The following TTC16 variants were observed in gnomAD, a reference collection of about 807,000 sequenced individuals.
TTC16 encodes the protein tetratricopeptide repeat protein 16.
A neutral mutation model predicts 80.4 loss-of-function variants in TTC16; 66 were observed. The observed-to-expected ratio is 0.82, with a 90% CI of 0.67 to 1.01. TTC16 has a LOEUF of 1.01. TTC16 is among the 50% of genes least tolerant of loss of function. The pLI, the probability that TTC16 is intolerant of heterozygous loss-of-function variation, is 0.00. For missense variants in TTC16, 1,070 were observed against 1,103.2 expected (o/e 0.97, Z 0.43); for synonymous variants, 438 against 451.3 (o/e 0.97, Z 0.37).
At chr9:127,721,210 G>A (rs1843483449) in intron 6 of TTC16, among the ~76,000 whole-genome samples, 1 of 151,888 alleles carries the variant, frequency 6.6e-6, no homozygotes, top group Non-Finnish European at 1.5e-5. Context: ...CAGGGCAGGG[G>A]GCTTTAGGAA....
intron 2 of TTC16, 70 bp from the exon 3 acceptor site, chr9:127,717,264 C>A: frequency 6.7e-7 from 1 of 1,491,266 alleles, no homozygotes; most frequent in South Asian, 1.1e-5. Context: ...ACAACCCCCA[C>A]CCCAGCCCTA....
At position 127,716,164 on chromosome 9, in the gene TTC16, G is replaced by A. The variant is rs1024533727; in HGVS notation, c.18+1G>A. ...GGGCCTCATGACAGATTCGGACGAG[G>A]TGCGGGCTTGGGAGAAGACTAACGC... On this transcript the variant is annotated splice_donor_variant, in intron 1 of 13. Coordinates refer to ENST00000373289, the MANE Select transcript of TTC16 (RefSeq NM_144965.3). LOFTEE classifies it high-confidence loss of function. 1.9e-6 allele frequency: 3 copies of A among 1,613,850 alleles called. No homozygotes were observed. The highest frequency in any genetic ancestry group is 2.5e-6 in the Non-Finnish European group (3 of 1,180,010).
At position 127,730,716 on chromosome 9, in the gene TTC16, T is replaced by C. The variant is rs1564396178; in HGVS notation, c.1933T>C (p.Phe645Leu). Residue 645 changes from phenylalanine to leucine, a missense_variant, in exon 14 of 14, where the codon TTC becomes CTC. By Grantham distance (22) the Phe-to-Leu change is conservative. Transcript: ENST00000373289. ...YRSTSATAVT[F>L]SDSSLLKTQS... ...GAGCACCTCAGCCACCGCCGTGACA[T>C]TCTCTGACTCGTCACTGTTGAAGAC... 1 of 1,613,496 alleles carries C rather than the reference T, an allele frequency of 6.2e-7. No homozygotes were observed. Among genetic ancestry groups the C allele is most frequent in the South Asian group, 1.1e-5 (1 of 91,088 alleles).
chr9:127,730,658 G>C lies in TTC16; in HGVS notation c.1875G>C (p.Glu625Asp). The C allele has an allele frequency of 5.0e-6, 8 of 1,612,884 alleles. No individual in the cohort carries two copies. The highest frequency in any genetic ancestry group is 5.1e-6 in the Non-Finnish European group (6 of 1,180,000). Residue 625 changes from glutamate to aspartate, a missense_variant, in exon 14 of 14, where the codon GAG becomes GAC. Transcript: ENST00000373289. ...TAGTCAGGACCACAGGCACCTCAGA[G>C]ACTGAGATGTCGGCTATCTGCCAGG... ...SMSFRTTGTS[E>D]TEMSAICQEY...
At chr9:127,726,787 C>CAAAAAAAAAA (rs55676226) in intron 10 of TTC16, among the ~76,000 whole-genome samples, 183 bp from the exon 11 acceptor site, 4 of 127,816 alleles carry the variant, frequency 3.1e-5, no homozygotes, top group East Asian at 3.3e-4. Context: ...GACTCTGTCT[C>CAAAAAAAAAA]AAAAAAAAAA....
chr9:127,720,806 CCCTCCTTCTTTCTTCCCTCCTGCCT>C (rs1843390048), intron 6 of TTC16, among the ~76,000 whole-genome samples: 1 of 141,750 alleles, frequency 7.1e-6, no homozygotes, highest in Non-Finnish European at 1.5e-5. Context: ...CCCCCTTCCT[CCCTCCTTCTTTCTTCCCTCCTGCCT>C]TCCCTCCTCC....
intron 8 of TTC16, 32 bp from the exon 9 acceptor site, chr9:127,724,724 G>C: frequency 6.3e-7 from 1 of 1,597,286 alleles, no homozygotes; most frequent in Admixed American, 1.7e-5. Flanking sequence ...CTGGGAGTTG[G>C]GGGTCCACTC....
chr9:127,729,171 A>C, intron 12 of TTC16: 1 of 163,040 alleles, frequency 6.1e-6, no homozygotes, highest in Admixed American at 6.1e-5. Context: ...GGTCATTAGC[A>C]GCTCTCCCCA....
intron 13 of TTC16, 109 bp downstream of exon 13, chr9:127,729,777 A>T: frequency 2.0e-6 from 2 of 994,390 alleles, no homozygotes; most frequent in Non-Finnish European, 3.1e-6. Flanking sequence ...CCCGCTGCTG[A>T]CAGCTGGGTG....
intron 6 of TTC16, among the ~76,000 whole-genome samples, chr9:127,720,815 T>TTCCCCC (rs1564380785): frequency 7.0e-4 from 11 of 15,744 alleles, no homozygotes; most frequent in African/African-American, 9.0e-4. Flanking sequence ...TCCCTCCTTC[T>TTCCCCC]TTCTTCCCTC....
chr9:127,717,151 G>C, intron 2 of TTC16, 135 bp downstream of exon 2: 1 of 1,314,514 alleles, frequency 7.6e-7, no homozygotes, highest in Non-Finnish European at 1.1e-6. Flanking sequence ...CCACCTCAGT[G>C]GGAACGAGGC....
intron 6 of TTC16, 45 bp downstream of exon 6, chr9:127,720,440 G>T: frequency 6.2e-7 from 1 of 1,606,816 alleles, no homozygotes; most frequent in East Asian, 2.2e-5. Context: ...CAACCTGGGA[G>T]TCCTCAGTGT....
At chr9:127,730,460 A>C in intron 13 of TTC16, 176 bp from the exon 14 acceptor site, 2 of 885,246 alleles carry the variant, frequency 2.3e-6, no homozygotes, top group Non-Finnish European at 3.3e-6. Context: ...TCACAGCCCC[A>C]CCCCTCAGGG....
intron 9 of TTC16, 126 bp downstream of exon 9, chr9:127,725,023 G>T: frequency 8.3e-7 from 1 of 1,198,162 alleles, no homozygotes; most frequent in Non-Finnish European, 1.1e-6. Flanking sequence ...GCTCATCCCT[G>T]TAATCCCCAC....
chr9:127,720,819 T>TTTC (rs1843400621), intron 6 of TTC16, among the ~76,000 whole-genome samples: 1 of 6,106 alleles, frequency 1.6e-4, no homozygotes, highest in African/African-American at 5.5e-4. Flanking sequence ...TCCTTCTTTC[T>TTTC]TCCCTCCTGC....
chr9:127,717,449 C>T, intron 3 of TTC16, 25 bp downstream of exon 3: 4 of 1,601,148 alleles, frequency 2.5e-6, no homozygotes, highest in Non-Finnish European at 3.4e-6. Context: ...TGGGTGGGCA[C>T]AGGCAGTTGC....
Position 127,726,350 on chromosome 9 carries a change from T to A in TTC16, c.1371T>A (p.Phe457Leu). Reference protein sequence around the residue: ...AKSRQLLQNIFGARQDVATVL... With the variant: ...AKSRQLLQNILGARQDVATVL... ...GCCGGCAGCTGCTGCAGAACATTTT[T>A]GGGGCCCGCCAGGATGTGGCCACTG... is the stretch of plus-strand genomic sequence containing the variant. The change falls in exon 10 of 14, where the codon TTT becomes TTA. Residue 457 changes from phenylalanine (F) to leucine (L), a missense_variant. Coordinates refer to ENST00000373289, the MANE Select transcript of TTC16 (RefSeq NM_144965.3). 6.2e-7 allele frequency: 1 copy of A among 1,612,054 alleles called. No homozygotes were observed. The highest frequency in any genetic ancestry group is 8.5e-7 in the Non-Finnish European group (1 of 1,179,290).
chr9:127,717,991 C>T (rs1009922794), intron 4 of TTC16, among the ~76,000 whole-genome samples: 1 of 152,206 alleles, frequency 6.6e-6, no homozygotes, highest in Admixed American at 6.5e-5. Context: ...TGACAGTGTC[C>T]AATATGCTAG....
In TTC16 at chr9:127,730,965, G is replaced by A. The variant is rs1162397693; in HGVS notation, c.2182G>A (p.Gly728Ser). The A allele has an allele frequency of 1.9e-6, 3 of 1,612,930 alleles. No homozygotes were observed. The highest frequency in any genetic ancestry group is 2.2e-5 in the East Asian group (1 of 44,844). Residue 728 changes from glycine to serine, a missense_variant, in exon 14 of 14, where the codon GGC becomes AGC. Transcript: ENST00000373289. ...RNSSKTRATQ[G>S]QGQSSSKTEA... is the part of the protein sequence containing the mutation. ...CTCCAGCAAGACCAGGGCCACCCAGGGCCAGGGGCAGAGCTCCAGCAAGAC... is the reference window on the plus strand; with the variant it reads ...CTCCAGCAAGACCAGGGCCACCCAGAGCCAGGGGCAGAGCTCCAGCAAGAC...
Sources: gnomAD v4.1 joint callset for allele counts (sites outside exome capture counted in the v4.1 genomes callset) on GRCh38, gnomAD v4.1.1 for gene constraint, MANE v1.5 for transcripts, NCBI Gene and HGNC (gene_info 2026-07-23, HGNC 2026-07-21) for gene names.